Variants in LRP1B observed in about 807,000 individuals in gnomAD.
LRP1B encodes the protein LDL receptor related protein 1B, also known as low-density lipoprotein receptor-related protein 1B.
Under a neutral mutation model 556.6 loss-of-function variants are expected in LRP1B, and 217 were observed. The observed-to-expected ratio is 0.39, with a 90% CI of 0.35 to 0.44. LRP1B has a LOEUF of 0.44. LRP1B is among the 20% of genes least tolerant of loss of function. LRP1B has a pLI of 1.00. For missense variants in LRP1B, 5,053 were observed against 5,620.8 expected (o/e 0.90, Z 3.23); for synonymous variants, 2,047 against 1,865.8 (o/e 1.10, Z -2.50).
chr2:140,706,339 C>T (rs1364646942), intron 37 of LRP1B, among the ~76,000 whole-genome samples: 1 of 151,988 alleles, frequency 6.6e-6, no homozygotes, highest in African/African-American at 2.4e-5. Flanking sequence ...CACATGTAGC[C>T]CTACTAAAAA....
intron 2 of LRP1B, among the ~76,000 whole-genome samples, chr2:141,558,954 A>T (rs978034167): frequency 6.6e-6 from 1 of 151,614 alleles, no homozygotes; most frequent in African/African-American, 2.4e-5. Context: ...TACAGACCAG[A>T]GTATCTTTTT....
chr2:140,259,969 A>G (rs1027477201), intron 86 of LRP1B, among the ~76,000 whole-genome samples: 4 of 151,992 alleles, frequency 2.6e-5, no homozygotes, highest in African/African-American at 9.7e-5. Context: ...TTTATGAAGA[A>G]CCATTTTCCC....
chr2:140,856,046 A>G (rs938654190), intron 27 of LRP1B, among the ~76,000 whole-genome samples: 1 of 152,130 alleles, frequency 6.6e-6, no homozygotes, highest in Non-Finnish European at 1.5e-5. Context: ...TGCTATGGCT[A>G]TGTATCTGGT....
intron 2 of LRP1B, among the ~76,000 whole-genome samples, chr2:141,780,493 C>T (rs1020270893): frequency 1.3e-5 from 2 of 152,076 alleles, no homozygotes; most frequent in East Asian, 3.9e-4. Context: ...TGCTTATCAA[C>T]CAATTGTCCA....
At chr2:141,133,867 C>T (rs78690029) in intron 7 of LRP1B, among the ~76,000 whole-genome samples, 13 of 151,992 alleles carry the variant, frequency 8.6e-5, no homozygotes, top group African/African-American at 2.9e-4. Flanking sequence ...GCTATCTCTC[C>T]GAAGGTCCAG....
intron 32 of LRP1B, among the ~76,000 whole-genome samples, chr2:140,797,407 ATTATT>A: frequency 6.6e-6 from 1 of 152,080 alleles, no homozygotes; most frequent in East Asian, 1.9e-4. Flanking sequence ...AGTAACTATA[ATTATT>A]TTATTTATAT....
chr2:141,147,558 A>T (rs1185757631), intron 7 of LRP1B, among the ~76,000 whole-genome samples: 1 of 152,018 alleles, frequency 6.6e-6, no homozygotes, highest in Non-Finnish European at 1.5e-5. Context: ...AATGTCAGGC[A>T]CTCCTGCTAA....
At chr2:140,991,366 A>T (rs1697087967) in intron 16 of LRP1B, among the ~76,000 whole-genome samples, 1 of 152,174 alleles carries the variant, frequency 6.6e-6, no homozygotes, top group Non-Finnish European at 1.5e-5. Flanking sequence ...GGTGTTTAAT[A>T]TTTAAAATAA....
intron 32 of LRP1B, among the ~76,000 whole-genome samples, chr2:140,798,118 A>G (rs1308115209): frequency 6.6e-6 from 1 of 152,096 alleles, no homozygotes; most frequent in East Asian, 1.9e-4. Flanking sequence ...ATTTGCTTAT[A>G]TGCTATTTTC....
At chr2:141,974,690 T>C (rs545469103) in intron 1 of LRP1B, among the ~76,000 whole-genome samples, 1 of 152,250 alleles carries the variant, frequency 6.6e-6, no homozygotes, top group Admixed American at 6.6e-5. Context: ...TTATTTGGTA[T>C]TTCTGTGAAT....
At chr2:140,917,721 T>A (rs1278506376) in intron 21 of LRP1B, among the ~76,000 whole-genome samples, 1 of 152,128 alleles carries the variant, frequency 6.6e-6, no homozygotes, top group African/African-American at 2.4e-5. Context: ...TACGAAAGAT[T>A]TTTAGAGCAG....
At chr2:140,741,552 G>A (rs1371329852) in intron 35 of LRP1B, among the ~76,000 whole-genome samples, 1 of 152,002 alleles carries the variant, frequency 6.6e-6, no homozygotes, top group Non-Finnish European at 1.5e-5. Context: ...GCATATCACA[G>A]GAGTTTGGTG....
chr2:140,668,487 T>C (rs979180883), intron 41 of LRP1B, among the ~76,000 whole-genome samples: 33 of 152,066 alleles, frequency 2.2e-4, no homozygotes, highest in Admixed American at 1.2e-3. Flanking sequence ...TTTTGTAATA[T>C]GTTTCACATT....
intron 1 of LRP1B, among the ~76,000 whole-genome samples, chr2:141,852,292 T>G: frequency 6.6e-6 from 1 of 151,762 alleles, no homozygotes; most frequent in Non-Finnish European, 1.5e-5. Context: ...GCTTGGAAAT[T>G]TATTGACTTG....
chr2:141,225,124 A>T lies in LRP1B; in HGVS notation c.850+4059T>A, dbSNP rs143132281. The stretch of plus-strand genomic sequence containing the variant: ...TAAGGAAAAAGATAAAAGCCTGTGA[A>T]TGGGGTTAATTCAGAAGCTAAATCC... On this transcript the variant is annotated intron_variant, in intron 6 of 90. Coordinates refer to ENST00000389484, the MANE Select transcript of LRP1B (RefSeq NM_018557.3). Among the ~76,000 whole-genome samples, 10 of 152,294 alleles carry T rather than the reference A, an allele frequency of 6.6e-5. No homozygotes were observed. The East Asian group carries it at 1.9e-3, about 29-fold the overall frequency.
intron 1 of LRP1B, among the ~76,000 whole-genome samples, chr2:142,044,336 G>T (rs1185521726): frequency 6.6e-6 from 1 of 151,748 alleles, no homozygotes; most frequent in Admixed American, 6.6e-5. Flanking sequence ...CCAAATGTGA[G>T]TTGACCTATG....
intron 21 of LRP1B, among the ~76,000 whole-genome samples, chr2:140,911,414 C>T (rs577301457): frequency 3.3e-5 from 5 of 151,716 alleles, no homozygotes; most frequent in East Asian, 3.9e-4. Flanking sequence ...TTTCTTCTAC[C>T]GTATACTTCG....
chr2:141,242,316 G>C (rs968381937), intron 5 of LRP1B, among the ~76,000 whole-genome samples: 1 of 152,046 alleles, frequency 6.6e-6, no homozygotes, highest in Non-Finnish European at 1.5e-5. Context: ...ACTTATGTTA[G>C]TAGATGTTAA....
At chr2:140,316,989 C>T (rs928107564) in intron 82 of LRP1B, among the ~76,000 whole-genome samples, 2 of 151,974 alleles carry the variant, frequency 1.3e-5, no homozygotes, top group Non-Finnish European at 2.9e-5. Flanking sequence ...CGACCGAGTG[C>T]CCAGAAGGTT....
Sources: allele counts gnomAD v4.1 joint callset (sites outside exome capture counted in the v4.1 genomes callset), GRCh38; gene constraint gnomAD v4.1.1; transcripts MANE v1.5; gene names NCBI Gene and HGNC (gene_info 2026-07-23, HGNC 2026-07-21).